Variants in ANOS1 observed in about 807,000 individuals in gnomAD.
The protein encoded by ANOS1 is anosmin 1, also known as anosmin-1.
Under a neutral mutation model 59.0 loss-of-function variants are expected in ANOS1, and 6 were observed. The observed-to-expected ratio is 0.10, with a 90% confidence interval of 0.06 to 0.20. ANOS1 has a LOEUF of 0.20. ANOS1 is among the 10% of genes least tolerant of loss of function. ANOS1 has a pLI of 1.00. For synonymous variants in ANOS1, 217 were observed against 223.4 expected (o/e 0.97, Z 0.25); for missense variants, 433 against 542.3 (o/e 0.80, Z 2.00).
intron 2 of ANOS1, among the ~76,000 whole-genome samples, chrX:8,697,378 G>A (rs868279512): frequency 9.8e-5 from 11 of 112,017 alleles, no homozygotes; most frequent in South Asian, 3.8e-4. Context: ...TAGGTTTAAG[G>A]TAGACAGCAG....
At chrX:8,597,425 C>T (rs192820775) in intron 3 of ANOS1, among the ~76,000 whole-genome samples, 169 bp from the exon 4 acceptor site, 25 of 111,288 alleles carry the variant, frequency 2.2e-4, no homozygotes, top group South Asian at 1.5e-3. Flanking sequence ...ACATTTTGTG[C>T]TGATTTCTCA....
intron 6 of ANOS1, among the ~76,000 whole-genome samples, chrX:8,584,935 T>C (rs952280032): frequency 8.9e-6 from 1 of 111,874 alleles, no homozygotes; most frequent in Non-Finnish European, 1.9e-5. Context: ...ATTCAGTCTT[T>C]CTCTTTGAAA....
At chrX:8,589,062 T>A (rs1354098449) in intron 4 of ANOS1, among the ~76,000 whole-genome samples, 1 of 112,616 alleles carries the variant, frequency 8.9e-6, no homozygotes, top group Non-Finnish European at 1.9e-5. Context: ...CAAATGCAAA[T>A]AAGGTTTGAT....
chrX:8,546,825 C>T (rs1167878806), intron 9 of ANOS1, among the ~76,000 whole-genome samples: 1 of 111,941 alleles, frequency 8.9e-6, no homozygotes, highest in Non-Finnish European at 1.9e-5. Flanking sequence ...AAGATAAACA[C>T]TCCATTTAGA....
At chrX:8,728,653 T>C (rs1374714293) in intron 1 of ANOS1, among the ~76,000 whole-genome samples, 1 of 112,127 alleles carries the variant, frequency 8.9e-6, no homozygotes. Context: ...CCAAATGACC[T>C]GGACAAAGCA....
At chrX:8,577,443 T>A (rs970878180) in intron 6 of ANOS1, among the ~76,000 whole-genome samples, 3 of 111,561 alleles carry the variant, frequency 2.7e-5, no homozygotes, top group East Asian at 5.7e-4. Flanking sequence ...CTCCTTATGA[T>A]CTTCACAATT....
intron 2 of ANOS1, among the ~76,000 whole-genome samples, chrX:8,643,424 C>T (rs1375855387): frequency 9.0e-6 from 1 of 111,312 alleles, no homozygotes; most frequent in African/African-American, 3.3e-5. Flanking sequence ...TCATGTTGTC[C>T]AAATTCCTAT....
At chrX:8,649,959 CT>C (rs773053749) in intron 2 of ANOS1, among the ~76,000 whole-genome samples, 1 of 112,857 alleles carries the variant, frequency 8.9e-6, no homozygotes, top group East Asian at 2.8e-4. Flanking sequence ...AACCTATTTT[CT>C]TTTTGTTAAA....
intron 3 of ANOS1, among the ~76,000 whole-genome samples, chrX:8,609,789 C>T (rs190145846): frequency 3.8e-4 from 42 of 109,566 alleles, no homozygotes; most frequent in Middle Eastern, 4.7e-3. Context: ...AGGCGGATCA[C>T]GAGGTCAGGA....
At chrX:8,654,653 C>G (rs1931902143) in intron 2 of ANOS1, among the ~76,000 whole-genome samples, 1 of 111,765 alleles carries the variant, frequency 8.9e-6, no homozygotes, top group Non-Finnish European at 1.9e-5. Context: ...ATTCCCTGTC[C>G]CATGACTACG....
chrX:8,562,769 T>C (rs1367627149), intron 8 of ANOS1, among the ~76,000 whole-genome samples: 2 of 112,148 alleles, frequency 1.8e-5, no homozygotes, highest in Non-Finnish European at 3.8e-5. Flanking sequence ...CAATGTTATA[T>C]CATACTTCCT....
chrX:8,608,121 T>G (rs1930975277), intron 3 of ANOS1, among the ~76,000 whole-genome samples: 1 of 111,832 alleles, frequency 8.9e-6, no homozygotes, highest in African/African-American at 3.2e-5. Context: ...GCAAAATTAA[T>G]TTGGCAAGTG....
intron 3 of ANOS1, among the ~76,000 whole-genome samples, chrX:8,599,237 C>T (rs1930797359): frequency 8.9e-6 from 1 of 112,225 alleles, no homozygotes; most frequent in African/African-American, 3.2e-5. Context: ...CATGGTTCCT[C>T]AACGTTGGAA....
intron 9 of ANOS1, among the ~76,000 whole-genome samples, chrX:8,541,505 T>C (rs1929690280): frequency 9.8e-6 from 1 of 101,536 alleles, no homozygotes; most frequent in South Asian, 4.7e-4. Flanking sequence ...GCTGATTTTA[T>C]ATAAGGCGGC....
At chrX:8,557,317 G>T (rs1929965124) in intron 8 of ANOS1, among the ~76,000 whole-genome samples, 1 of 111,994 alleles carries the variant, frequency 8.9e-6, no homozygotes, top group Non-Finnish European at 1.9e-5. Context: ...AGCCAAAGTT[G>T]ACAAATGGGA....
chrX:8,575,767 A>G (rs7884757), intron 6 of ANOS1, among the ~76,000 whole-genome samples: 26,493 of 110,168 alleles, frequency 0.24, 3,659 homozygotes, highest in African/African-American at 0.51. Flanking sequence ...TTACCAAGAT[A>G]AGGTACTCCC....
chrX:8,555,523 C>T (rs1475622999), intron 8 of ANOS1, among the ~76,000 whole-genome samples: 1 of 111,692 alleles, frequency 9.0e-6, no homozygotes, highest in Non-Finnish European at 1.9e-5. Context: ...ATCAAATAGA[C>T]ACAATATTAA....
intron 6 of ANOS1, among the ~76,000 whole-genome samples, chrX:8,571,514 T>A (rs921555877): frequency 2.7e-5 from 3 of 111,573 alleles, no homozygotes; most frequent in Non-Finnish European, 5.6e-5. Flanking sequence ...AGAAAAAAAA[T>A]ATAAAAACCT....
intron 2 of ANOS1, among the ~76,000 whole-genome samples, chrX:8,668,200 G>A (rs749306248): frequency 4.0e-4 from 42 of 106,282 alleles, no homozygotes; most frequent in Non-Finnish European, 6.2e-4. Context: ...CCCTTTCCCC[G>A]AATCCACAAA....
Sources: allele counts gnomAD v4.1 joint callset (sites outside exome capture counted in the v4.1 genomes callset), GRCh38; gene constraint gnomAD v4.1.1; transcripts MANE v1.5; gene names NCBI Gene and HGNC (gene_info 2026-07-23, HGNC 2026-07-21).